ADAMTS19: variants seen among roughly 807,000 people sequenced by gnomAD.
ADAMTS19 encodes A disintegrin and metalloproteinase with thrombospondin motifs 19.
In ADAMTS19, 93 loss-of-function variants were observed where a neutral mutation model predicts 153.3. That is an observed-to-expected ratio of 0.61 (90% CI 0.51 to 0.72). The LOEUF is 0.72. ADAMTS19 is among the 30% of genes least tolerant of loss of function. The pLI, the probability that ADAMTS19 is intolerant of heterozygous loss-of-function variation, is 0.00. For synonymous variants in ADAMTS19, 600 were observed against 556.6 expected, an observed-to-expected ratio of 1.08 and a Z score of -1.10; for missense variants, 1,482 against 1,552.1, an observed-to-expected ratio of 0.95 and a Z score of 0.76.
At chr5:129,670,042 G>A (rs30665) in intron 16 of ADAMTS19, among the ~76,000 whole-genome samples, 89,818 of 151,836 alleles carry the variant, frequency 0.59, 27,708 homozygotes, top group Non-Finnish European at 0.69. Flanking sequence ...AAAACTGACA[G>A]TCTTCCTTGA....
chr5:129,604,563 C>T (rs927295298), intron 8 of ADAMTS19, among the ~76,000 whole-genome samples: 1 of 152,082 alleles, frequency 6.6e-6, no homozygotes, highest in African/African-American at 2.4e-5. Context: ...TTTGACAGTG[C>T]ATAAGAAATA....
chr5:129,520,904 C>G (rs1415292715), intron 3 of ADAMTS19, among the ~76,000 whole-genome samples: 4 of 152,092 alleles, frequency 2.6e-5, no homozygotes, highest in Non-Finnish European at 4.4e-5. Flanking sequence ...GATGCCAGCT[C>G]CATGCCCTAA....
rs778741647 is a variant in ADAMTS19 at position 129,620,690 on chromosome 5, T to C, written c.1551T>C (p.Ile517=). The change falls in exon 9 of 23, where the codon ATT becomes ATC. Residue 517 remains isoleucine (I), a synonymous_variant. Transcript: ENST00000274487. ...TTCATATCATGTCTGGTGAATGGAT[T>C]AAAGGACAGAATCTTGGTGACGTTT... ...DGLHIMSGEW[I]KGQNLGDVSW... is the part of the protein sequence containing the mutation. The C allele has an allele frequency of 1.9e-6, 3 of 1,613,108 alleles. No individual in the cohort carries two copies. The highest frequency in any genetic ancestry group is 2.2e-5 in the East Asian group (1 of 44,860).
At chr5:129,735,769 A>G (rs778584061) in intron 22 of ADAMTS19, among the ~76,000 whole-genome samples, 2 of 152,028 alleles carry the variant, frequency 1.3e-5, no homozygotes, top group Non-Finnish European at 2.9e-5. Context: ...TTAAGTAGAT[A>G]TAGCCTACAC....
chr5:129,644,141 A>G (rs1334180021), intron 11 of ADAMTS19, among the ~76,000 whole-genome samples: 1 of 152,214 alleles, frequency 6.6e-6, no homozygotes, highest in Non-Finnish European at 1.5e-5. Context: ...ATTACTAAAC[A>G]AAAGTAAAAA....
rs926683224 is a variant in ADAMTS19 at position 129,462,827 on chromosome 5, G to C, written c.747+1070G>C. The stretch of plus-strand genomic sequence containing the variant: ...TTGTGATTTGTGGCTTCATTTTGCT[G>C]TTCATAGTGAGCCACTGAGAAATCC... On this transcript the variant is annotated intron_variant, in intron 2 of 22. Transcript: ENST00000274487. 1.7e-4 allele frequency among the ~76,000 whole-genome samples: 26 copies of C among 152,050 alleles called. 1 individual carries two copies. The highest frequency in any genetic ancestry group is 2.9e-5 in the Non-Finnish European group (2 of 68,018).
intron 8 of ADAMTS19, among the ~76,000 whole-genome samples, chr5:129,597,925 A>G (rs1376710514): frequency 6.6e-6 from 1 of 151,910 alleles, no homozygotes; most frequent in Admixed American, 6.6e-5. Flanking sequence ...AAAAAAAGAA[A>G]AAAAAGAAAT....
At chr5:129,513,228 C>A (rs1426977097) in intron 3 of ADAMTS19, among the ~76,000 whole-genome samples, 4 of 151,886 alleles carry the variant, frequency 2.6e-5, no homozygotes, top group African/African-American at 9.7e-5. Context: ...ATTAATCTAA[C>A]CTTCTGTCTT....
chr5:129,527,664 G>C, intron 4 of ADAMTS19, 84 bp from the exon 5 acceptor site: 2 of 356,908 alleles, frequency 5.6e-6, no homozygotes, highest in Non-Finnish European at 1.0e-5. Flanking sequence ...CAACTAAATT[G>C]AGACATCTCC....
chr5:129,581,523 A>G (rs1020949791), intron 7 of ADAMTS19, among the ~76,000 whole-genome samples: 1 of 148,770 alleles, frequency 6.7e-6, no homozygotes, highest in African/African-American at 2.5e-5. Flanking sequence ...AGTGGTCTAT[A>G]TATTTTGATA....
At chr5:129,569,723 G>A (rs1292262822) in intron 7 of ADAMTS19, among the ~76,000 whole-genome samples, 6 of 152,094 alleles carry the variant, frequency 3.9e-5, no homozygotes, top group African/African-American at 1.4e-4. Flanking sequence ...ATAATTTATG[G>A]GTTGAATGAA....
At chr5:129,537,503 A>G (rs1053216107) in intron 6 of ADAMTS19, among the ~76,000 whole-genome samples, 3 of 152,150 alleles carry the variant, frequency 2.0e-5, no homozygotes, top group Non-Finnish European at 4.4e-5. Flanking sequence ...ACTATTCACA[A>G]TAGCAAAGAC....
At chr5:129,708,867 C>T (rs1292140316) in intron 21 of ADAMTS19, among the ~76,000 whole-genome samples, 1 of 152,008 alleles carries the variant, frequency 6.6e-6, no homozygotes, top group East Asian at 1.9e-4. Flanking sequence ...GACATATTAA[C>T]AGATATTTGG....
intron 8 of ADAMTS19, among the ~76,000 whole-genome samples, chr5:129,604,447 G>A (rs569385036): frequency 1.5e-4 from 23 of 152,220 alleles, no homozygotes; most frequent in Middle Eastern, 6.8e-3. Context: ...CACCTCCTTC[G>A]TAAATGCACA....
chr5:129,586,306 ATCT>A (rs1749797443), intron 7 of ADAMTS19, among the ~76,000 whole-genome samples: 1 of 152,198 alleles, frequency 6.6e-6, no homozygotes, highest in African/African-American at 2.4e-5. Flanking sequence ...GCCTTAAAAA[ATCT>A]TCTGTGTTCC....
chr5:129,732,806 A>G (rs960940814), intron 21 of ADAMTS19, among the ~76,000 whole-genome samples: 10 of 152,098 alleles, frequency 6.6e-5, no homozygotes, highest in Admixed American at 1.3e-4. Context: ...AGAATTAGGG[A>G]AAAAAAATCC....
At chr5:129,643,382 A>AAAAAAAAAAAAAAAG (rs1554101887) in intron 11 of ADAMTS19, among the ~76,000 whole-genome samples, 4 of 142,724 alleles carry the variant, frequency 2.8e-5, no homozygotes, top group South Asian at 2.2e-4. Context: ...AAAAAAAAAA[A>AAAAAAAAAAAAAAAG]AAAAGAAAAA....
chr5:129,592,784 T>C (rs1195569751), intron 7 of ADAMTS19, among the ~76,000 whole-genome samples: 5 of 152,168 alleles, frequency 3.3e-5, no homozygotes, highest in African/African-American at 9.7e-5. Context: ...CTAATTACCA[T>C]TCAAATTTCA....
intron 13 of ADAMTS19, among the ~76,000 whole-genome samples, chr5:129,650,931 G>A (rs960866192): frequency 6.6e-6 from 1 of 152,054 alleles, no homozygotes; most frequent in Non-Finnish European, 1.5e-5. Flanking sequence ...TCATCCAGGA[G>A]TCTCATGGAA....
Sources: gnomAD v4.1 joint callset for allele counts (sites outside exome capture counted in the v4.1 genomes callset) on GRCh38, gnomAD v4.1.1 for gene constraint, MANE v1.5 for transcripts, NCBI Gene and HGNC (gene_info 2026-07-23, HGNC 2026-07-21) for gene names.